Variants in NOB1 observed in about 807,000 individuals in gnomAD.
NOB1 encodes NIN1 (RPN12) binding protein 1 homolog.
NOB1 carries 44 observed loss-of-function variants against 44.8 expected under a neutral mutation model. That is an observed-to-expected ratio of 0.98 (90% CI 0.77 to 1.26). The LOEUF (loss-of-function observed/expected upper bound fraction) is 1.26. NOB1 is among the 50% of genes most tolerant of loss of function. The probability of loss-of-function intolerance (pLI) is 0.00; values close to 1 mark genes in which losing one functional copy is unlikely to be tolerated. For missense variants in NOB1, 560 were observed against 544.8 expected, an observed-to-expected ratio of 1.03 and a Z score of -0.28; for synonymous variants, 238 against 218.7, an observed-to-expected ratio of 1.09 and a Z score of -0.78.
chr16:69,751,842 A>G (rs952139274), intron 3 of NOB1, among the ~76,000 whole-genome samples: 2 of 152,240 alleles, frequency 1.3e-5, no homozygotes, highest in East Asian at 3.9e-4. Flanking sequence ...CGGGCGCATC[A>G]CCTGAAGTCA....
At chr16:69,752,109 A>T in intron 3 of NOB1, 132 bp downstream of exon 3, 1 of 806,726 alleles carries the variant, frequency 1.2e-6, no homozygotes, top group Non-Finnish European at 2.0e-6. Context: ...GTAGATGAAT[A>T]CAGACTAGCT....
Position 69,742,360 on chromosome 16 carries a change from G to C in NOB1, c.1211C>G (p.Ser404Cys). 2 of 1,612,388 alleles carry C rather than the reference G, an allele frequency of 1.2e-6. No individual in the cohort carries two copies. The highest frequency in any genetic ancestry group is 1.7e-6 in the Non-Finnish European group (2 of 1,178,590). ...CCTTTTCTTCACAAACTTCTTTCTG[G>C]AAGCGTTGGGATTTAAGCGTCTCCG... is the stretch of plus-strand genomic sequence containing the variant. ...AGRRRLNPNA[S>C]RKKFVKKR The change falls in exon 9 of 9, where the codon TCC becomes TGC. Residue 404 changes from serine (S) to cysteine (C), a missense_variant. By Grantham distance (112) the Ser-to-Cys change is moderately radical. Transcript: ENST00000268802.
chr16:69,753,401 A>C (rs2038498641), intron 2 of NOB1, among the ~76,000 whole-genome samples: 1 of 152,220 alleles, frequency 6.6e-6, no homozygotes, highest in Non-Finnish European at 1.5e-5. Context: ...TGAAATTAAC[A>C]GAAAGATGTC....
At chr16:69,747,740 A>C (rs938855634) in intron 7 of NOB1, among the ~76,000 whole-genome samples, 6 of 152,144 alleles carry the variant, frequency 3.9e-5, no homozygotes, top group African/African-American at 1.4e-4. Context: ...GTGGGAGGTC[A>C]CTGGCAACCT....
intron 7 of NOB1, among the ~76,000 whole-genome samples, chr16:69,747,222 C>CAA (rs35257586): frequency 0.4 from 31,397 of 78,332 alleles, 5,694 homozygotes; most frequent in Middle Eastern, 0.49. Flanking sequence ...ACCCTGTCTC[C>CAA]AAAAAAAAAA....
intron 6 of NOB1, 103 bp downstream of exon 6, chr16:69,748,815 A>G: frequency 9.1e-7 from 1 of 1,104,954 alleles, no homozygotes; most frequent in South Asian, 1.7e-5. Context: ...CAGAACCAGG[A>G]AAAGAAGCGC....
In NOB1 at chr16:69,746,114, C is replaced by T. The variant is rs1006758160; in HGVS notation, c.825-1097G>A. On this transcript the variant is annotated intron_variant, in intron 7 of 8. Coordinates refer to ENST00000268802, the MANE Select transcript of NOB1 (RefSeq NM_014062.3). ...CCACCAGCAGAGCCACAGTGGCTGG[C>T]GGGGCGGGGCCCCAAGCCTGAGTGC... Among the ~76,000 whole-genome samples, 5 of 152,292 alleles carry T rather than the reference C, an allele frequency of 3.3e-5. No homozygotes were observed. The South Asian group carries it at 6.2e-4, about 19-fold the overall frequency.
At chr16:69,742,651 C>A in intron 8 of NOB1, 50 bp from the exon 9 acceptor site, 1 of 1,592,756 alleles carries the variant, frequency 6.3e-7, no homozygotes, top group Non-Finnish European at 8.6e-7. Context: ...GCCACAGTCA[C>A]ACAAGGCCAT....
chr16:69,745,100 T>G, intron 7 of NOB1, 83 bp from the exon 8 acceptor site: 1 of 1,462,794 alleles, frequency 6.8e-7, no homozygotes, highest in Non-Finnish European at 9.4e-7. Context: ...GTCTCGGGCC[T>G]CAGGAGAAGA....
chr16:69,752,854 G>C (rs561494175), intron 2 of NOB1, among the ~76,000 whole-genome samples: 51 of 152,238 alleles, frequency 3.4e-4, no homozygotes, highest in African/African-American at 1.2e-3. Context: ...AGAATTGTTT[G>C]AACCTGGGAG....
Position 69,754,692 on chromosome 16 carries a change from A to G in NOB1, c.98T>C (p.Val33Ala), listed in dbSNP as rs2038510895. Residue 33 changes from valine to alanine, a missense_variant, in exon 2 of 9, where the codon GTG becomes GCG. By Grantham distance (64) the Val-to-Ala change is moderately conservative (BLOSUM62 0). Transcript: ENST00000268802. ...GGCCTTGTCCCGAATCTCAGTGACCACCTCCCGGATGGTGTAAATGTTCTT... is the reference window on the plus strand; with the variant it reads ...GGCCTTGTCCCGAATCTCAGTGACCGCCTCCCGGATGGTGTAAATGTTCTT... ...IGKNIYTIREVVTEIRDKATR... is the reference protein window; with the variant it reads ...IGKNIYTIREAVTEIRDKATR... 1.9e-6 allele frequency: 3 copies of G among 1,613,954 alleles called. No individual in the cohort carries two copies. Among genetic ancestry groups the G allele is most frequent in the Admixed American group, 1.7e-5 (1 of 60,004 alleles).
Position 69,748,935 on chromosome 16 carries a change from T to C in NOB1, c.709A>G (p.Thr237Ala), listed in dbSNP as rs1326084748. 5.0e-6 allele frequency: 8 copies of C among 1,609,486 alleles called. 1 individual carries two copies. Among genetic ancestry groups the C allele is most frequent in the South Asian group, 2.2e-5 (2 of 90,516 alleles). The change falls in exon 6 of 9, where the codon ACA becomes GCA. Residue 237 changes from threonine to alanine, a missense_variant. By Grantham distance (58) the Thr-to-Ala change is moderately conservative. Transcript: ENST00000268802. ...CTACCCACCTGCATGGCGAAGTCTG[T>C]GGTCAGGCAGCCAACCCGCACGTCC... Reference protein sequence around the residue: ...PEDVRVGCLTTDFAMQNVLLQ... With the variant: ...PEDVRVGCLTADFAMQNVLLQ...
At chr16:69,746,834 G>A (rs1475998783) in intron 7 of NOB1, among the ~76,000 whole-genome samples, 1 of 151,638 alleles carries the variant, frequency 6.6e-6, no homozygotes, top group Non-Finnish European at 1.5e-5. Flanking sequence ...TTGAACCCGG[G>A]AGGCAGAGAT....
At chr16:69,751,364 C>CT (rs55842937) in intron 3 of NOB1, among the ~76,000 whole-genome samples, 129,834 of 151,966 alleles carry the variant, frequency 0.85, 55,689 homozygotes, top group Admixed American at 0.9. Flanking sequence ...GATTTTTATT[C>CT]TTTTGCATTT....
chr16:69,742,268 A>G lies in NOB1; in HGVS notation c.*64T>C. ...GTCCTGGAGACGACACGGCTGGGGA[A>G]ATGGGTCACCGGAACTCCACGGCGG... On this transcript the variant is annotated 3_prime_UTR_variant, in exon 9 of 9. Coordinates refer to ENST00000268802, the MANE Select transcript of NOB1 (RefSeq NM_014062.3). 1.3e-6 allele frequency: 2 copies of G among 1,567,020 alleles called. No individual in the cohort carries two copies. The highest frequency in any genetic ancestry group is 1.7e-6 in the Non-Finnish European group (2 of 1,152,898).
intron 6 of NOB1, chr16:69,748,692 AT>A (rs1397945096): frequency 1.8e-5 from 10 of 541,506 alleles, no homozygotes; most frequent in South Asian, 1.2e-4. Context: ...TCATAAAAAA[AT>A]CATAAATAGT....
At chr16:69,750,847 G>A (rs1209969249) in intron 3 of NOB1, among the ~76,000 whole-genome samples, 1 of 152,184 alleles carries the variant, frequency 6.6e-6, no homozygotes, top group Non-Finnish European at 1.5e-5. Context: ...TTTAGGCAGA[G>A]AAGATTAAGC....
rs556913653 is a variant in NOB1, at chr16:69,749,317, C to T, written c.421G>A (p.Glu141Lys). Residue 141 changes from glutamate (E) to lysine (K), a missense_variant, in exon 5 of 9, where the codon GAA (glutamate) becomes AAA (lysine). Transcript: ENST00000268802. ...PYKPKPPQET[E>K]KGHSACEPEN... is the part of the protein sequence containing the mutation. ...GGCTCACAAGCTGAGTGTCCTTTTT[C>T]TGTTTCTTGTGGGGGTTTAGGCTGA... 3 of 1,599,006 alleles carry T rather than the reference C, an allele frequency of 1.9e-6. No individual in the cohort carries two copies. In the South Asian group the frequency reaches 3.4e-5, roughly 18 times the overall value.
chr16:69,749,676 G>A, intron 3 of NOB1, 46 bp from the exon 4 acceptor site: 4 of 1,459,168 alleles, frequency 2.7e-6, no homozygotes, highest in Admixed American at 2.1e-5. Context: ...CAAAATTAAA[G>A]ATATCCAGTT....
Sources: allele counts gnomAD v4.1 joint callset (sites outside exome capture counted in the v4.1 genomes callset), GRCh38; gene constraint gnomAD v4.1.1; transcripts MANE v1.5; gene names NCBI Gene and HGNC (gene_info 2026-07-23, HGNC 2026-07-21).